Variants in TEX14 observed in about 807,000 individuals in gnomAD.
The protein encoded by TEX14 is testis expressed 14, intercellular bridge forming factor.
Under a neutral mutation model 178.6 loss-of-function variants are expected in TEX14, and 168 were observed. The observed-to-expected ratio is 0.94, with a 90% CI of 0.83 to 1.07. TEX14 has a LOEUF of 1.07. TEX14 is among the 50% of genes least tolerant of loss of function. The probability of loss-of-function intolerance (pLI) is 0.00; values close to 1 mark genes in which losing one functional copy is unlikely to be tolerated. For missense variants in TEX14, 1,730 were observed against 1,753.6 expected (o/e 0.99, Z 0.24); for synonymous variants, 626 against 634.1 (o/e 0.99, Z 0.19).
At chr17:58,605,236 G>T in intron 10 of TEX14, 107 bp from the exon 11 acceptor site, 2 of 1,355,362 alleles carry the variant, frequency 1.5e-6, no homozygotes, top group Non-Finnish European at 1.0e-6. Context: ...CTGTCACCCA[G>T]GCTGGAAAGC....
intron 1 of TEX14, among the ~76,000 whole-genome samples, chr17:58,672,757 AGTCTCGCTCT>A (rs752972005): frequency 6.6e-6 from 1 of 151,208 alleles, no homozygotes; most frequent in African/African-American, 2.4e-5. Flanking sequence ...TTTGAGATGG[AGTCTCGCTCT>A]GTCACCCGGG....
intron 15 of TEX14, 68 bp from the exon 16 acceptor site, chr17:58,588,089 T>C (rs2045026398): frequency 2.7e-6 from 2 of 731,654 alleles, no homozygotes; most frequent in Non-Finnish European, 2.5e-6. Flanking sequence ...TTAGATTTCA[T>C]GATTATAAAA....
chr17:58,670,824 GA>G (rs2047294283), intron 1 of TEX14, among the ~76,000 whole-genome samples: 1 of 132,538 alleles, frequency 7.5e-6, no homozygotes, highest in African/African-American at 2.8e-5. Flanking sequence ...ATATATTCTT[GA>G]AAATTCCTGA....
rs1015147543 is a variant in TEX14, at chr17:58,599,103, G to C, written c.2242C>G (p.Leu748Val). ...TCTAATATCTGCTCGATATTCCTCA[G>C]CCTATCATCATTCTCGTGCATTATT... ...QTIMHENDDR[L>V]RNIEQILDEV... The change falls in exon 14 of 32, where the codon CTG (leucine) becomes GTG (valine). Residue 748 changes from leucine (L) to valine (V), a missense_variant. Transcript: ENST00000349033. 11 of 1,613,918 alleles carry C rather than the reference G, an allele frequency of 6.8e-6. No homozygotes were observed. In the Admixed American group the frequency reaches 8.3e-5, roughly 12 times the overall value.
intron 3 of TEX14, among the ~76,000 whole-genome samples, chr17:58,625,907 AT>A (rs761348331): frequency 4.9e-3 from 702 of 143,806 alleles, no homozygotes; most frequent in Middle Eastern, 0.011. Context: ...TGGCTGGCTA[AT>A]TTTTTTTTTT....
intron 1 of TEX14, among the ~76,000 whole-genome samples, chr17:58,664,053 A>C (rs1425279759): frequency 6.6e-6 from 1 of 152,168 alleles, no homozygotes; most frequent in Non-Finnish European, 1.5e-5. Context: ...GCAACAACAA[A>C]AAAACAACAG....
intron 1 of TEX14, among the ~76,000 whole-genome samples, chr17:58,689,285 G>A (rs1168085249): frequency 1.3e-5 from 2 of 150,866 alleles, no homozygotes; most frequent in Non-Finnish European, 2.9e-5. Flanking sequence ...GCAGTGGCCT[G>A]ATCTCACTCA....
intron 1 of TEX14, among the ~76,000 whole-genome samples, chr17:58,656,784 G>A (rs1462460444): frequency 2.2e-4 from 33 of 150,012 alleles, no homozygotes; most frequent in Non-Finnish European, 8.9e-5. Context: ...TTGGCCAGGC[G>A]TGGTGGCAAG....
chr17:58,587,598 A>G lies in TEX14; in HGVS notation c.2771T>C (p.Val924Ala). 1 of 1,595,490 alleles carries G rather than the reference A, an allele frequency of 6.3e-7. No individual in the cohort carries two copies. ...AESRNKDDGKVHLKWKMEVKE... is the reference protein window; with the variant it reads ...AESRNKDDGKAHLKWKMEVKE... ...ATACTCACTTTTCCATTTTAAGTGT[A>G]CCTTTCCATCATCTTTATTTCTGGA... is the stretch of plus-strand genomic sequence containing the variant. Residue 924 changes from valine (V) to alanine (A), a missense_variant, in exon 17 of 32, where the codon GTA (valine) becomes GCA (alanine). By Grantham distance (64) the Val-to-Ala change is moderately conservative. Coordinates refer to ENST00000349033, the MANE Select transcript of TEX14 (RefSeq NM_031272.5).
intron 28 of TEX14, 138 bp from the exon 29 acceptor site, chr17:58,561,750 T>C: frequency 3.2e-6 from 2 of 616,504 alleles, no homozygotes; most frequent in South Asian, 3.9e-5. Context: ...AAGAGCTCAG[T>C]GAGATTGTGT....
At chr17:58,665,479 T>C (rs1310055779) in intron 1 of TEX14, among the ~76,000 whole-genome samples, 1 of 151,874 alleles carries the variant, frequency 6.6e-6, no homozygotes, top group Non-Finnish European at 1.5e-5. Flanking sequence ...GTGGCTGTAG[T>C]CCAGCTACTC....
intron 1 of TEX14, chr17:58,661,809 T>C (rs1356167406): frequency 1.2e-5 from 6 of 488,318 alleles, no homozygotes; most frequent in African/African-American, 1.2e-4. Context: ...TCGTCAAACT[T>C]TGTCTCTCTG....
chr17:58,636,587 G>A (rs1376103181), intron 2 of TEX14, among the ~76,000 whole-genome samples: 1 of 152,168 alleles, frequency 6.6e-6, no homozygotes, highest in East Asian at 1.9e-4. Flanking sequence ...AAACCAGTCT[G>A]GTTCTAAAGT....
intron 26 of TEX14, among the ~76,000 whole-genome samples, chr17:58,568,444 G>A (rs2044449135): frequency 6.6e-6 from 1 of 152,152 alleles, no homozygotes; most frequent in South Asian, 2.1e-4. Flanking sequence ...AAAACCAAGG[G>A]GTGCCCCTCA....
intron 3 of TEX14, among the ~76,000 whole-genome samples, chr17:58,626,332 G>A (rs1455246292): frequency 6.6e-6 from 1 of 151,892 alleles, no homozygotes; most frequent in Non-Finnish European, 1.5e-5. Context: ...TCGGGAGGCC[G>A]AGGCGGGTGG....
At chr17:58,608,085 C>T (rs1224237323) in intron 10 of TEX14, among the ~76,000 whole-genome samples, 1 of 152,064 alleles carries the variant, frequency 6.6e-6, no homozygotes, top group Non-Finnish European at 1.5e-5. Flanking sequence ...GAGTTCAAGT[C>T]CAGCCTGGGC....
intron 1 of TEX14, among the ~76,000 whole-genome samples, chr17:58,683,910 C>CA (rs1239588659): frequency 1.3e-5 from 2 of 150,982 alleles, no homozygotes; most frequent in Admixed American, 1.3e-4. Flanking sequence ...ACTAAAAATA[C>CA]AAAAATTAGC....
chr17:58,581,744 A>G, intron 19 of TEX14: 1 of 1,605,932 alleles, frequency 6.2e-7, no homozygotes, highest in Non-Finnish European at 8.5e-7. Flanking sequence ...TTAATAATGT[A>G]GGAAATCACT....
intron 14 of TEX14, 27 bp downstream of exon 14, chr17:58,598,849 A>G (rs750044843): frequency 5.1e-6 from 8 of 1,554,448 alleles, no homozygotes; most frequent in Admixed American, 2.1e-5. Context: ...ATCTTTTGCC[A>G]AAATGTCCCC....
Sources: gnomAD v4.1 joint callset for allele counts (sites outside exome capture counted in the v4.1 genomes callset) on GRCh38, gnomAD v4.1.1 for gene constraint, MANE v1.5 for transcripts, NCBI Gene and HGNC (gene_info 2026-07-23, HGNC 2026-07-21) for gene names.